Variants in SCFD2 observed in about 807,000 individuals in gnomAD.
SCFD2 encodes sec1 family domain containing 2.
A neutral mutation model predicts 58.9 loss-of-function variants in SCFD2; 54 were observed. The ratio of observed to expected loss-of-function variants is 0.92; its 90% CI spans 0.74 to 1.15. SCFD2 has a LOEUF of 1.15. Among genes scored for constraint, SCFD2 ranks in the 50% most tolerant of loss-of-function variants. SCFD2 has a pLI of 0.00. For missense variants in SCFD2, 805 were observed against 836.6 expected (o/e 0.96, Z 0.47); for synonymous variants, 321 against 335.9 (o/e 0.96, Z 0.49).
At chr4:53,258,560 A>G (rs1397160041) in intron 4 of SCFD2, among the ~76,000 whole-genome samples, 7 of 139,770 alleles carry the variant, frequency 5.0e-5, no homozygotes, top group Admixed American at 7.2e-5. Flanking sequence ...ATATATATAT[A>G]TATATATATA....
intron 4 of SCFD2, among the ~76,000 whole-genome samples, chr4:53,159,738 T>A (rs1726797045): frequency 6.6e-6 from 1 of 152,156 alleles, no homozygotes; most frequent in Non-Finnish European, 1.5e-5. Flanking sequence ...TTAAGGCAGA[T>A]ATTCCCATCC....
At chr4:53,221,949 C>T (rs1260793133) in intron 4 of SCFD2, among the ~76,000 whole-genome samples, 1 of 152,186 alleles carries the variant, frequency 6.6e-6, no homozygotes, top group African/African-American at 2.4e-5. Context: ...AGGACTGATT[C>T]TGTTAACTCT....
chr4:52,926,409 T>C (rs568445335), intron 5 of SCFD2, among the ~76,000 whole-genome samples: 1 of 152,118 alleles, frequency 6.6e-6, no homozygotes, highest in South Asian at 2.1e-4. Context: ...CACGCACGCG[T>C]GCGCACCTGT....
intron 5 of SCFD2, among the ~76,000 whole-genome samples, chr4:53,057,810 A>G (rs1211525217): frequency 6.6e-6 from 1 of 152,176 alleles, no homozygotes; most frequent in Admixed American, 6.6e-5. Context: ...AATGTGGTAG[A>G]GCATAAAAAT....
chr4:53,329,648 A>G (rs1217674274), intron 2 of SCFD2, among the ~76,000 whole-genome samples: 1 of 152,238 alleles, frequency 6.6e-6, no homozygotes, highest in Non-Finnish European at 1.5e-5. Context: ...ATTGGAAAAA[A>G]ACAGAACAGA....
At chr4:52,975,026 GA>G in intron 5 of SCFD2, among the ~76,000 whole-genome samples, 1 of 152,220 alleles carries the variant, frequency 6.6e-6, no homozygotes, top group African/African-American at 2.4e-5. Flanking sequence ...AATTCAAGAT[GA>G]ATTAAAGACT....
intron 5 of SCFD2, among the ~76,000 whole-genome samples, chr4:52,986,316 G>T (rs1721492538): frequency 6.6e-6 from 1 of 151,888 alleles, no homozygotes; most frequent in African/African-American, 2.4e-5. Context: ...TCAATGATAA[G>T]AATCTAATTC....
At chr4:53,221,883 T>G (rs529451839) in intron 4 of SCFD2, among the ~76,000 whole-genome samples, 34 of 152,162 alleles carry the variant, frequency 2.2e-4, no homozygotes, top group Non-Finnish European at 4.4e-4. Context: ...CATGGGAGGC[T>G]ACAAGAAGAG....
chr4:53,132,808 G>C (rs1373651905), intron 5 of SCFD2, among the ~76,000 whole-genome samples: 1 of 152,116 alleles, frequency 6.6e-6, no homozygotes, highest in Non-Finnish European at 1.5e-5. Context: ...CAAGCCAGCA[G>C]GTATGCTCAA....
chr4:52,938,435 C>G (rs543235697), intron 5 of SCFD2, among the ~76,000 whole-genome samples: 1 of 152,102 alleles, frequency 6.6e-6, no homozygotes, highest in Non-Finnish European at 1.5e-5. Flanking sequence ...AGTACAAACA[C>G]AGTAAAATAG....
At chr4:53,113,664 C>T (rs938005129) in intron 5 of SCFD2, among the ~76,000 whole-genome samples, 2 of 152,172 alleles carry the variant, frequency 1.3e-5, no homozygotes, top group South Asian at 2.1e-4. Context: ...CCTCCTCCTA[C>T]TAGAATGTAG....
chr4:53,145,820 T>C (rs1326510474), intron 4 of SCFD2, among the ~76,000 whole-genome samples: 1 of 152,138 alleles, frequency 6.6e-6, no homozygotes, highest in East Asian at 1.9e-4. Context: ...TTCCATTATA[T>C]CATCTTAACA....
intron 5 of SCFD2, among the ~76,000 whole-genome samples, chr4:53,138,713 T>C (rs1726015163): frequency 6.6e-6 from 1 of 152,218 alleles, no homozygotes; most frequent in Admixed American, 6.5e-5. Flanking sequence ...ATGCTGCCAT[T>C]GAGTATGCTT....
intron 5 of SCFD2, among the ~76,000 whole-genome samples, chr4:52,970,501 G>A (rs974020791): frequency 3.3e-5 from 5 of 152,188 alleles, no homozygotes; most frequent in African/African-American, 1.2e-4. Flanking sequence ...GGCTTGAGTA[G>A]GTAAACAAAG....
intron 5 of SCFD2, among the ~76,000 whole-genome samples, chr4:53,081,927 G>T (rs1724159276): frequency 6.6e-6 from 1 of 152,052 alleles, no homozygotes; most frequent in African/African-American, 2.4e-5. Flanking sequence ...GACTATTCTG[G>T]ACATTTCATA....
At chr4:53,145,654 A>G in intron 4 of SCFD2, 72 bp from the exon 5 acceptor site, 1 of 1,366,534 alleles carries the variant, frequency 7.3e-7, no homozygotes, top group Non-Finnish European at 1.0e-6. Flanking sequence ...CATTAGTCGA[A>G]TGATAGCTTT....
intron 4 of SCFD2, among the ~76,000 whole-genome samples, chr4:53,178,352 G>C (rs1055266293): frequency 3.9e-5 from 6 of 152,184 alleles, no homozygotes; most frequent in African/African-American, 9.7e-5. Context: ...AATATCCGCT[G>C]TTCTGCAGCC....
chr4:52,929,306 C>T lies in SCFD2; in HGVS notation c.1562-8436G>A, dbSNP rs192986005. Among the ~76,000 whole-genome samples the T allele has an allele frequency of 2.6e-5, 4 of 152,232 alleles. No individual in the cohort carries two copies. In the East Asian group the frequency reaches 5.8e-4, roughly 22 times the overall value. On this transcript the variant is annotated intron_variant, in intron 5 of 8. Coordinates refer to ENST00000401642, the MANE Select transcript of SCFD2 (RefSeq NM_152540.4). ...TTATATAAGTATGTTTAATACCACA[C>T]AGATCATGTAATTTTTATATGTATC...
At chr4:53,132,817 A>G (rs1577758903) in intron 5 of SCFD2, among the ~76,000 whole-genome samples, 1 of 152,318 alleles carries the variant, frequency 6.6e-6, no homozygotes, top group South Asian at 2.1e-4. Context: ...AGGTATGCTC[A>G]AGGTTTAAGG....
Sources: gnomAD v4.1 joint callset for allele counts (sites outside exome capture counted in the v4.1 genomes callset) on GRCh38, gnomAD v4.1.1 for gene constraint, MANE v1.5 for transcripts, NCBI Gene and HGNC (gene_info 2026-07-23, HGNC 2026-07-21) for gene names.